Variants in MYOM1 observed in about 807,000 individuals in gnomAD.
MYOM1 encodes myomesin 1.
Under a neutral mutation model 205.3 loss-of-function variants are expected in MYOM1, and 164 were observed. The observed-to-expected ratio is 0.80, with a 90% CI of 0.70 to 0.91. The LOEUF is 0.91. Ranked by LOEUF, MYOM1 falls within the 40% of genes least tolerant of loss-of-function variation. The probability of loss-of-function intolerance (pLI) is 0.00; values close to 1 mark genes in which losing one functional copy is unlikely to be tolerated. For missense variants in MYOM1, 2,011 were observed against 2,127.3 expected, an observed-to-expected ratio of 0.95 and a Z score of 1.08; for synonymous variants, 772 against 789.4, an observed-to-expected ratio of 0.98 and a Z score of 0.37.
At chr18:3,246,444 C>T in the MYOM1 span, 1 of 152,130 alleles carries the variant, frequency 6.6e-6, no homozygotes, top group Non-Finnish European at 1.5e-5. Flanking sequence ...AATTAGTACC[C>T]CAAGTCATTC....
Position 3,112,122 on chromosome 18 carries a change from T to C in MYOM1, c.3418+176A>G, listed in dbSNP as rs8084318. ...CGTCAAACCTGGCTCAACCCTGTCC[T>C]GAGGTGCCTGTGATGGGACCAATGA... On this transcript the variant is annotated intron_variant, in intron 22 of 37. Transcript: ENST00000356443. 0.57 allele frequency among the ~76,000 whole-genome samples: 86,192 copies of C among 152,122 alleles called. 25,079 individuals are homozygous for C. The highest frequency in any genetic ancestry group is 0.78 in the East Asian group (4,046 of 5,172).
chr18:3,069,614 T>C (rs1481152606), intron 37 of MYOM1, among the ~76,000 whole-genome samples: 1 of 152,060 alleles, frequency 6.6e-6, no homozygotes, highest in Non-Finnish European at 1.5e-5. Flanking sequence ...AATGAGCAGA[T>C]TAGGTATATG....
chr18:3,178,212 T>C (rs2080677403), intron 5 of MYOM1, among the ~76,000 whole-genome samples: 1 of 152,258 alleles, frequency 6.6e-6, no homozygotes, highest in Admixed American at 6.5e-5. Context: ...GAATTGACTA[T>C]GAGCCAGGCA....
At chr18:3,145,400 A>C (rs1157737744) in intron 13 of MYOM1, among the ~76,000 whole-genome samples, 2 of 152,206 alleles carry the variant, frequency 1.3e-5, no homozygotes, top group Non-Finnish European at 2.9e-5. Flanking sequence ...AGTTCAAGAA[A>C]ATCTACAAGG....
At chr18:3,096,720 T>C (rs1211041202) in intron 25 of MYOM1, among the ~76,000 whole-genome samples, 1 of 152,162 alleles carries the variant, frequency 6.6e-6, no homozygotes, top group East Asian at 1.9e-4. Context: ...ATAGTGCATG[T>C]ATACAAGAGG....
chr18:3,195,330 T>A (rs750435224), intron 2 of MYOM1, among the ~76,000 whole-genome samples: 15 of 152,184 alleles, frequency 9.9e-5, no homozygotes, highest in Non-Finnish European at 2.1e-4. Flanking sequence ...AACTAAAGGT[T>A]AGAACTTTGA....
At chr18:3,087,307 A>C (rs965189763) in intron 29 of MYOM1, among the ~76,000 whole-genome samples, 1 of 147,012 alleles carries the variant, frequency 6.8e-6, no homozygotes, top group Admixed American at 6.8e-5. Context: ...CAGGGCATGA[A>C]GTTTTTTTGG....
rs2079149403 is a variant in MYOM1, at chr18:3,086,055, T to A, written c.4234A>T (p.Thr1412Ser). 6 of 1,605,398 alleles carry A rather than the reference T, an allele frequency of 3.7e-6. No individual in the cohort carries two copies. The highest frequency in any genetic ancestry group is 3.4e-6 in the Non-Finnish European group (4 of 1,174,468). The change falls in exon 30 of 38, where the codon ACC becomes TCC. Residue 1412 changes from threonine (T) to serine (S), a missense_variant. Physicochemically the swap from Thr to Ser is moderately conservative, Grantham distance 58. Coordinates refer to ENST00000356443, the MANE Select transcript of MYOM1 (RefSeq NM_003803.4). The part of the protein sequence containing the change: ...EKHDFKDGIC[T>S]LLITEFSKKD... Reference sequence around the variant, plus strand: ...TCGCCTACCTCTGTTATAAGCAGGGTACATATACCATCCTTAAAGTCATGC... The same window carrying A: ...TCGCCTACCTCTGTTATAAGCAGGGAACATATACCATCCTTAAAGTCATGC...
intron 37 of MYOM1, among the ~76,000 whole-genome samples, chr18:3,071,617 C>T (rs922791103): frequency 6.6e-6 from 1 of 152,040 alleles, no homozygotes; most frequent in Admixed American, 6.6e-5. Flanking sequence ...CCTCAGCCTC[C>T]CAGTGTTGGG....
At chr18:3,089,272 T>C (rs372066034) in intron 28 of MYOM1, 31 bp from the exon 29 acceptor site, 1 of 1,532,304 alleles carries the variant, frequency 6.5e-7, no homozygotes, top group Non-Finnish European at 9.0e-7. Flanking sequence ...TAGCAATTAC[T>C]CTATTAATCA....
At chr18:3,215,914 G>A (rs1477251961) in intron 1 of MYOM1, among the ~76,000 whole-genome samples, 1 of 152,170 alleles carries the variant, frequency 6.6e-6, no homozygotes, top group Non-Finnish European at 1.5e-5. Flanking sequence ...GTCATGTGGT[G>A]TTCATTCAAC....
intron 22 of MYOM1, among the ~76,000 whole-genome samples, chr18:3,106,556 G>A (rs1320375615): frequency 6.6e-6 from 1 of 152,108 alleles, no homozygotes; most frequent in African/African-American, 2.4e-5. Flanking sequence ...TGGGCTCACT[G>A]GCTCACACCT....
At chr18:3,092,483 A>T (rs1348982969) in intron 26 of MYOM1, among the ~76,000 whole-genome samples, 3 of 152,208 alleles carry the variant, frequency 2.0e-5, no homozygotes, top group African/African-American at 7.2e-5. Flanking sequence ...GTGAGCCACC[A>T]TGACTGGCCC....
the MYOM1 span, among the ~76,000 whole-genome samples, chr18:3,235,849 A>G: frequency 6.6e-6 from 1 of 152,238 alleles, no homozygotes; most frequent in Non-Finnish European, 1.5e-5. Context: ...GGCTTTACTG[A>G]GATGGTAGTA....
chr18:3,080,871 C>T (rs556787257), intron 33 of MYOM1, among the ~76,000 whole-genome samples: 6 of 152,186 alleles, frequency 3.9e-5, no homozygotes, highest in African/African-American at 1.4e-4. Flanking sequence ...TGGTGGCTCA[C>T]GCCTGTAATC....
At chr18:3,145,256 G>A (rs2080108912) in intron 13 of MYOM1, among the ~76,000 whole-genome samples, 1 of 150,936 alleles carries the variant, frequency 6.6e-6, no homozygotes, top group Admixed American at 6.6e-5. Context: ...GTTGCAGTGA[G>A]CCAACATTGA....
intron 33 of MYOM1, among the ~76,000 whole-genome samples, chr18:3,082,985 A>T (rs1446208645): frequency 6.6e-6 from 1 of 152,160 alleles, no homozygotes; most frequent in African/African-American, 2.4e-5. Flanking sequence ...CCATTCATTC[A>T]TATCATGGGA....
the MYOM1 span, among the ~76,000 whole-genome samples, chr18:3,226,387 C>T: frequency 1.3e-5 from 2 of 152,138 alleles, no homozygotes; most frequent in South Asian, 2.1e-4. This position sits in a 1 kb window ranked among gnomAD's most constrained non-coding sequence, Gnocchi z 4.6. Flanking sequence ...CAGCATGGCA[C>T]GAGGGCATCT....
rs115041362 is a variant in MYOM1 at position 3,067,124 on chromosome 18, A to G, written c.*138T>C. ...GTGTCATTAGTTGGTGCTTTTTTATATGAGTGAAAGACCTGACATTATTTT... is the reference window on the plus strand; with the variant it reads ...GTGTCATTAGTTGGTGCTTTTTTATGTGAGTGAAAGACCTGACATTATTTT... On this transcript the variant is annotated 3_prime_UTR_variant, in exon 38 of 38. Transcript: ENST00000356443. 2,264 of 916,202 alleles carry G rather than the reference A, an allele frequency of 2.5e-3. 33 individuals are homozygous for G. The African/African-American group carries it at 0.035, about 14-fold the overall frequency. The allele number at this position is 916,202 out of a possible 1,614,324, so 56.8% of individuals were successfully genotyped here.
Sources: gnomAD v4.1 joint callset for allele counts (sites outside exome capture counted in the v4.1 genomes callset) on GRCh38, gnomAD v4.1.1 for gene constraint, Gnocchi (gnomAD v3.1) non-coding constraint, MANE v1.5 for transcripts, NCBI Gene and HGNC (gene_info 2026-07-23, HGNC 2026-07-21) for gene names.